MED27: variants seen among roughly 807,000 people sequenced by gnomAD.
MED27 encodes mediator complex subunit 27, also known as mediator of RNA polymerase II transcription subunit 27.
In MED27, 30 loss-of-function variants were observed where a neutral mutation model predicts 38.2. That is an observed-to-expected ratio of 0.79 (90% CI 0.59 to 1.07). MED27 has a LOEUF of 1.07. Ranked by LOEUF, MED27 falls within the 50% of genes least tolerant of loss-of-function variation. The pLI, the probability that MED27 is intolerant of heterozygous loss-of-function variation, is 0.00. For missense variants in MED27, 289 were observed against 397.5 expected, an observed-to-expected ratio of 0.73 and a Z score of 2.32; for synonymous variants, 122 against 153.5, an observed-to-expected ratio of 0.79 and a Z score of 1.52.
chr9:131,967,818 ATTTTTTTTT>A (rs144420414), intron 3 of MED27, among the ~76,000 whole-genome samples: 1 of 112,892 alleles, frequency 8.9e-6, no homozygotes, highest in Non-Finnish European at 1.8e-5. Flanking sequence ...GCCTCTCATG[ATTTTTTTTT>A]TTTTTTTTTG....
rs541721534 is a variant in MED27, at chr9:131,905,113, T to C, written c.574-11121A>G. On this transcript the variant is annotated intron_variant, in intron 4 of 7. Transcript: ENST00000292035. ...TATCAAAATTAGCTCATTTAATTTA[T>C]AAAACGTATATTCAAATATATAAAA... Among the ~76,000 whole-genome samples the C allele has an allele frequency of 4.6e-5, 7 of 152,358 alleles. No individual in the cohort carries two copies. In the South Asian group the frequency reaches 1.4e-3, roughly 32 times the overall value.
In MED27 at chr9:131,981,602, T is replaced by C. The variant is rs141543925; in HGVS notation, c.479+32735A>G. 3.6e-3 allele frequency among the ~76,000 whole-genome samples: 546 copies of C among 152,276 alleles called. 3 individuals carry two copies. The highest frequency in any genetic ancestry group is 0.012 in the African/African-American group (515 of 41,554). ...GGAGGAGGAGCAGAAAGGGCTCATA[T>C]AATTTACAACAGCCTGGGCCGTTGA... is the stretch of plus-strand genomic sequence containing the variant. On this transcript the variant is annotated intron_variant, in intron 3 of 7. Coordinates refer to ENST00000292035, the MANE Select transcript of MED27 (RefSeq NM_004269.4).
chr9:131,939,450 GC>G lies in MED27; in HGVS notation c.503del (p.Arg168ProfsTer25), dbSNP rs1375934173. On this transcript the variant is annotated frameshift_variant, in exon 4 of 8. Coordinates refer to ENST00000292035, the MANE Select transcript of MED27 (RefSeq NM_004269.4). LOFTEE classifies it high-confidence loss of function. Reference sequence around the variant, plus strand: ...ACATTTCAGGAAACATCCTGTCAATGCGGCTGATCACATCATCAACATATCT... The same window carrying G: ...ACATTTCAGGAAACATCCTGTCAATGGGCTGATCACATCATCAACATATCT... ...PPQYVDDVIS[R>X]IDRMFPEMSI... 1.2e-6 allele frequency: 2 copies of G among 1,610,702 alleles called. No individual in the cohort carries two copies. The highest frequency in any genetic ancestry group is 2.7e-5 in the African/African-American group (2 of 74,876).
At chr9:132,013,519 G>C (rs1832528302) in intron 3 of MED27, among the ~76,000 whole-genome samples, 3 of 152,196 alleles carry the variant, frequency 2.0e-5, no homozygotes, top group African/African-American at 7.2e-5. Flanking sequence ...TCATTAAACT[G>C]TATGCTCTGT....
At chr9:131,865,584 G>C (rs1838723940) in intron 6 of MED27, among the ~76,000 whole-genome samples, 1 of 152,126 alleles carries the variant, frequency 6.6e-6, no homozygotes, top group Admixed American at 6.5e-5. Flanking sequence ...GCCCCTGTTG[G>C]AATAGCCGAG....
chr9:131,945,251 A>G (rs949809060), intron 3 of MED27, among the ~76,000 whole-genome samples: 14 of 151,338 alleles, frequency 9.3e-5, no homozygotes, highest in Non-Finnish European at 1.8e-4. Context: ...GATCATCTTT[A>G]AATCATGTTT....
rs2131462565 is a variant in MED27 at position 131,872,324 on chromosome 9, C to T, written c.724-9184G>A. On this transcript the variant is annotated intron_variant, in intron 6 of 7. Transcript: ENST00000292035. This position sits in a 1 kb window ranked among gnomAD's most constrained non-coding sequence, Gnocchi z 5.6. ...CGCACCTGCTGAGGGCATTATCTGCCAGCACACAGCCCCCGAGGCCAAGCT... is the reference window on the plus strand; with the variant it reads ...CGCACCTGCTGAGGGCATTATCTGCTAGCACACAGCCCCCGAGGCCAAGCT... Among the ~76,000 whole-genome samples the T allele has an allele frequency of 6.6e-6, 1 of 152,366 alleles. No individual in the cohort carries two copies. Among genetic ancestry groups the T allele is most frequent in the African/African-American group, 2.4e-5 (1 of 41,580 alleles).
Position 132,003,573 on chromosome 9 carries a change from T to C in MED27, c.479+10764A>G, listed in dbSNP as rs1378441096. Among the ~76,000 whole-genome samples the C allele has an allele frequency of 1.3e-5, 2 of 152,158 alleles. No individual in the cohort carries two copies. The highest frequency in any genetic ancestry group is 4.8e-5 in the African/African-American group (2 of 41,434). ...GATAGGTGGGATGGGGTGGCAGGGC[T>C]CTGTCACCAACTCCTCTGCCTGCTC... is the stretch of plus-strand genomic sequence containing the variant. On this transcript the variant is annotated intron_variant, in intron 3 of 7. Coordinates refer to ENST00000292035, the MANE Select transcript of MED27 (RefSeq NM_004269.4). This position sits in a 1 kb window ranked among gnomAD's most constrained non-coding sequence, Gnocchi z 4.2.
At chr9:132,070,593 CTT>C (rs969555591) in intron 2 of MED27, among the ~76,000 whole-genome samples, 6 of 152,204 alleles carry the variant, frequency 3.9e-5, no homozygotes, top group Non-Finnish European at 8.8e-5. Flanking sequence ...GCCCACAAGA[CTT>C]TTCCCACCAG....
intron 3 of MED27, among the ~76,000 whole-genome samples, chr9:131,996,940 G>A (rs1487566202): frequency 1.3e-5 from 2 of 152,106 alleles, no homozygotes; most frequent in African/African-American, 2.4e-5. Flanking sequence ...TACAAAATAT[G>A]TGTTAATCAA....
chr9:131,928,921 C>T (rs1331919954), intron 4 of MED27, among the ~76,000 whole-genome samples: 2 of 152,206 alleles, frequency 1.3e-5, no homozygotes, highest in Non-Finnish European at 2.9e-5. Flanking sequence ...CCACCCTTCC[C>T]CCAATTCTAG....
At chr9:132,038,909 G>A (rs1833143807) in intron 2 of MED27, among the ~76,000 whole-genome samples, 1 of 152,164 alleles carries the variant, frequency 6.6e-6, no homozygotes, top group Admixed American at 6.5e-5. Flanking sequence ...GGACCTAACT[G>A]TCCTTGCTAA....
chr9:131,918,178 A>T (rs1392643192), intron 4 of MED27, among the ~76,000 whole-genome samples: 1 of 152,238 alleles, frequency 6.6e-6, no homozygotes, highest in Admixed American at 6.5e-5. Flanking sequence ...AAATTTGTGG[A>T]AGGAAACCAG....
intron 3 of MED27, among the ~76,000 whole-genome samples, chr9:131,965,716 T>C (rs1831324644): frequency 6.6e-6 from 1 of 152,120 alleles, no homozygotes; most frequent in Non-Finnish European, 1.5e-5. Context: ...AGTCCTGGGA[T>C]ACCTTATGTT....
intron 3 of MED27, among the ~76,000 whole-genome samples, chr9:132,006,834 G>A (rs1832368694): frequency 6.6e-6 from 1 of 152,170 alleles, no homozygotes; most frequent in Non-Finnish European, 1.5e-5. Context: ...TGCCAAAGAC[G>A]GATTCAAGTT....
intron 3 of MED27, among the ~76,000 whole-genome samples, chr9:132,009,950 T>A (rs1460238459): frequency 1.3e-5 from 2 of 152,258 alleles, no homozygotes; most frequent in Admixed American, 6.5e-5. Flanking sequence ...GAGTTCTTTG[T>A]AGATTCTGGA....
At chr9:131,894,121 C>A in intron 4 of MED27, 129 bp from the exon 5 acceptor site, 1 of 648,204 alleles carries the variant, frequency 1.5e-6, no homozygotes, top group South Asian at 1.8e-5. Context: ...TGTGGATCCT[C>A]CAGCACTGGA....
intron 3 of MED27, among the ~76,000 whole-genome samples, chr9:131,963,899 C>T (rs906911169): frequency 2.6e-5 from 4 of 152,144 alleles, no homozygotes; most frequent in African/African-American, 7.2e-5. Flanking sequence ...AAACCCATAA[C>T]AGCACTTTCG....
At chr9:131,878,268 A>G (rs1011488065) in intron 6 of MED27, among the ~76,000 whole-genome samples, 3 of 148,202 alleles carry the variant, frequency 2.0e-5, no homozygotes, top group Non-Finnish European at 4.4e-5. Context: ...GCGAGACTCC[A>G]TTACAAAAAT....
Sources: allele counts gnomAD v4.1 joint callset (sites outside exome capture counted in the v4.1 genomes callset), GRCh38; gene constraint gnomAD v4.1.1; non-coding constraint Gnocchi (gnomAD v3.1); transcripts MANE v1.5; gene names NCBI Gene and HGNC (gene_info 2026-07-23, HGNC 2026-07-21).